Variants in CRISP1 observed in about 807,000 individuals in gnomAD.
CRISP1 encodes the protein cysteine rich secretory protein 1.
In CRISP1, 44 loss-of-function variants were observed where a neutral mutation model predicts 33.1. The ratio of observed to expected loss-of-function variants is 1.33; its 90% CI spans 1.05 to 1.71. The LOEUF (loss-of-function observed/expected upper bound fraction) is 1.71. Among genes scored for constraint, CRISP1 ranks in the 40% most tolerant of loss-of-function variants. The pLI, the probability that CRISP1 is intolerant of heterozygous loss-of-function variation, is 0.00. For synonymous variants in CRISP1, 103 were observed against 98.7 expected (o/e 1.04, Z -0.26); for missense variants, 390 against 301.2 (o/e 1.29, Z -2.18).
intron 1 of CRISP1, among the ~76,000 whole-genome samples, chr6:49,858,929 A>G (rs1451418966): frequency 2.0e-5 from 3 of 152,150 alleles, no homozygotes; most frequent in Non-Finnish European, 4.4e-5. Context: ...TATTCAACAG[A>G]TAAGTGACAT....
chr6:49,838,453 A>C lies in CRISP1; in HGVS notation c.606T>G (p.Cys202Trp). The C allele has an allele frequency of 6.2e-7, 1 of 1,612,812 alleles. No individual in the cohort carries two copies. The highest frequency in any genetic ancestry group is 8.5e-7 in the Non-Finnish European group (1 of 1,179,284). ...CAAACTTACTGCAAAGTTTGTCTTC[A>C]CAGTTACTTGGGCAGGCTTCACATG... ...GVPCEACPSN[C>W]EDKLCTNPCI... Residue 202 changes from cysteine (C) to tryptophan (W), a missense_variant, in exon 7 of 8, where the codon TGT becomes TGG. Cys to Trp is a radical substitution (Grantham distance 215). Coordinates refer to ENST00000335847, the MANE Select transcript of CRISP1 (RefSeq NM_001131.3).
intron 1 of CRISP1, among the ~76,000 whole-genome samples, chr6:49,862,336 A>G (rs1307944883): frequency 6.6e-6 from 1 of 152,112 alleles, no homozygotes; most frequent in Non-Finnish European, 1.5e-5. Context: ...TGAAAAGGAC[A>G]CAAAAATTAT....
chr6:49,841,603 TCTC>T lies in CRISP1; in HGVS notation c.436-611_436-609del, dbSNP rs1184428251. Among the ~76,000 whole-genome samples, 7 of 152,264 alleles carry T rather than the reference TCTC, an allele frequency of 4.6e-5. No homozygotes were observed. The South Asian group carries it at 8.3e-4, about 18-fold the overall frequency. On this transcript the variant is annotated intron_variant, in intron 5 of 7. Coordinates refer to ENST00000335847, the MANE Select transcript of CRISP1 (RefSeq NM_001131.3). Reference sequence around the variant, plus strand: ...CATCAACGCTGGCTCATTCTCCCCTTCTCATCAAATTTATGTGGACAAGATAAC... The same window carrying T: ...CATCAACGCTGGCTCATTCTCCCCTTATCAAATTTATGTGGACAAGATAAC...
intron 1 of CRISP1, among the ~76,000 whole-genome samples, chr6:49,859,153 G>T (rs985752570): frequency 6.6e-6 from 1 of 151,972 alleles, no homozygotes; most frequent in Non-Finnish European, 1.5e-5. Context: ...CCTGGAGCCT[G>T]CCCAAAGGCA....
chr6:49,862,828 CA>C (rs901556529), intron 1 of CRISP1, among the ~76,000 whole-genome samples: 1 of 142,620 alleles, frequency 7.0e-6, no homozygotes, highest in Non-Finnish European at 1.6e-5. Context: ...AAAAAAAAAA[CA>C]AAACAAAACT....
At chr6:49,849,523 G>C (rs542497306) in intron 3 of CRISP1, among the ~76,000 whole-genome samples, 1 of 152,240 alleles carries the variant, frequency 6.6e-6, no homozygotes, top group East Asian at 1.9e-4. Flanking sequence ...TCATTTTTGT[G>C]CTGCAAGCAA....
chr6:49,836,347 T>A (rs949816742), intron 7 of CRISP1, among the ~76,000 whole-genome samples: 2 of 150,778 alleles, frequency 1.3e-5, no homozygotes, highest in Admixed American at 1.3e-4. Flanking sequence ...TTTATTTTTT[T>A]TTTTTTGAGA....
intron 6 of CRISP1, 73 bp from the exon 7 acceptor site, chr6:49,838,598 A>C (rs920333843): frequency 9.2e-7 from 1 of 1,086,594 alleles, no homozygotes; most frequent in Non-Finnish European, 1.4e-6. Flanking sequence ...CACAGTGTAC[A>C]ACCAATTTTA....
At chr6:49,872,705 A>G (rs1771953237) in intron 1 of CRISP1, among the ~76,000 whole-genome samples, 1 of 152,102 alleles carries the variant, frequency 6.6e-6, no homozygotes. Context: ...AAGATCAGAT[A>G]GTTGTAGATA....
At chr6:49,870,580 G>A (rs144588972), upstream of CRISP1, among the ~76,000 whole-genome samples, 778 of 152,236 alleles carry the variant, frequency 5.1e-3, 7 homozygotes, top group Middle Eastern at 0.02. Context: ...AAACTGACTC[G>A]AAGTCAAGGT....
chr6:49,870,395 C>G (rs1771894930), upstream of CRISP1, among the ~76,000 whole-genome samples: 1 of 152,010 alleles, frequency 6.6e-6, no homozygotes, highest in Non-Finnish European at 1.5e-5. Context: ...AAATTTGTCA[C>G]TCCTAACCTG....
intron 1 of CRISP1, among the ~76,000 whole-genome samples, chr6:49,872,039 C>G (rs1032125746): frequency 8.5e-5 from 13 of 152,106 alleles, no homozygotes; most frequent in African/African-American, 3.1e-4. Flanking sequence ...GTTCTTATTT[C>G]TCCACATCCT....
In CRISP1 at chr6:49,834,416, A is replaced by AT. The variant is rs1345922850; in HGVS notation, c.*899dup. The AT allele has an allele frequency of 6.6e-6, 1 of 152,024 alleles. No homozygotes were observed. Among genetic ancestry groups the AT allele is most frequent in the Non-Finnish European group, 1.5e-5 (1 of 68,000 alleles). 9.4% of individuals were successfully genotyped at this position (152,024 alleles called of 1,614,324 possible). ...TCAATATTCCCTAAGGCTTCAGTGC[A>AT]TTTTACGTTAGTTGGCCTTAACTGT... On this transcript the variant is annotated 3_prime_UTR_variant, in exon 8 of 8. Coordinates refer to ENST00000335847, the MANE Select transcript of CRISP1 (RefSeq NM_001131.3).
intron 1 of CRISP1, among the ~76,000 whole-genome samples, chr6:49,866,063 G>A (rs746225010): frequency 3.3e-5 from 5 of 152,084 alleles, no homozygotes; most frequent in Admixed American, 1.3e-4. Context: ...CCTTATTACT[G>A]GCTAATTCTT....
At chr6:49,867,884 C>A (rs1179672974), upstream of CRISP1, among the ~76,000 whole-genome samples, 2 of 152,074 alleles carry the variant, frequency 1.3e-5, no homozygotes, top group Non-Finnish European at 2.9e-5. Flanking sequence ...CTCCAACAAA[C>A]TACATTGTAA....
At chr6:49,851,807 G>A (rs1228325972) in intron 3 of CRISP1, among the ~76,000 whole-genome samples, 194 bp downstream of exon 3, 2 of 152,172 alleles carry the variant, frequency 1.3e-5, no homozygotes, top group East Asian at 1.9e-4. Context: ...GACTGGCTGA[G>A]CTCTGTCATT....
At chr6:49,853,939 T>C (rs571342099) in intron 2 of CRISP1, among the ~76,000 whole-genome samples, 7 of 152,176 alleles carry the variant, frequency 4.6e-5, no homozygotes, top group Non-Finnish European at 7.3e-5. Flanking sequence ...ATCAGTAAGA[T>C]TGACCTCAAA....
chr6:49,876,580 C>T (rs2127480850), intron 1 of CRISP1, among the ~76,000 whole-genome samples: 1 of 152,036 alleles, frequency 6.6e-6, no homozygotes, highest in South Asian at 2.1e-4. Context: ...AAGATACATG[C>T]ACATGTGTGT....
intron 1 of CRISP1, among the ~76,000 whole-genome samples, chr6:49,873,019 C>A (rs1213959971): frequency 6.6e-6 from 1 of 151,980 alleles, no homozygotes; most frequent in African/African-American, 2.4e-5. Context: ...GATATTGATT[C>A]TTCCTACCCA....
Sources: gnomAD v4.1 joint callset for allele counts (sites outside exome capture counted in the v4.1 genomes callset) on GRCh38, gnomAD v4.1.1 for gene constraint, MANE v1.5 for transcripts, NCBI Gene and HGNC (gene_info 2026-07-23, HGNC 2026-07-21) for gene names.